The following ZNF804B variants were observed in gnomAD, a reference collection of about 807,000 sequenced individuals.
The protein encoded by ZNF804B is zinc finger protein 804B.
A neutral mutation model predicts 101.4 loss-of-function variants in ZNF804B; 80 were observed. The observed-to-expected ratio is 0.79, with a 90% CI of 0.66 to 0.95. ZNF804B has a LOEUF of 0.95. Among genes scored for constraint, ZNF804B ranks in the 40% least tolerant of loss-of-function variants. The probability of loss-of-function intolerance (pLI) is 0.00; values close to 1 mark genes in which losing one functional copy is unlikely to be tolerated. For synonymous variants in ZNF804B, 622 were observed against 558.8 expected (o/e 1.11, Z -1.59); for missense variants, 1,673 against 1,561.9 (o/e 1.07, Z -1.20).
At chr7:88,854,426 T>TCTTCCTTTCTTC (rs1491177302) in intron 1 of ZNF804B, among the ~76,000 whole-genome samples, 1 of 88,008 alleles carries the variant, frequency 1.1e-5, no homozygotes, top group East Asian at 2.9e-4. Flanking sequence ...TTTCTTTCTT[T>TCTTCCTTTCTTC]CTTTCTTTCT....
intron 1 of ZNF804B, among the ~76,000 whole-genome samples, chr7:88,944,550 G>A (rs574793295): frequency 5.3e-5 from 8 of 151,358 alleles, no homozygotes; most frequent in Non-Finnish European, 1.2e-4. Flanking sequence ...TTAACCAACT[G>A]CAGATGGAAA....
intron 2 of ZNF804B, among the ~76,000 whole-genome samples, chr7:89,251,721 A>G (rs932806328): frequency 3.9e-5 from 6 of 152,184 alleles, no homozygotes; most frequent in Admixed American, 6.5e-5. Flanking sequence ...AGAAAGACCA[A>G]TGGAACACAA....
intron 1 of ZNF804B, among the ~76,000 whole-genome samples, chr7:88,929,941 CA>C (rs933158397): frequency 6.6e-6 from 1 of 150,986 alleles, no homozygotes; most frequent in African/African-American, 2.4e-5. Context: ...CTCGAACTTT[CA>C]AAAAAAATGT....
intron 1 of ZNF804B, among the ~76,000 whole-genome samples, chr7:89,024,985 C>A (rs973805757): frequency 6.6e-6 from 1 of 151,992 alleles, no homozygotes; most frequent in Non-Finnish European, 1.5e-5. Context: ...ACACCCATAC[C>A]TATAGATGCA....
At chr7:89,159,116 C>G (rs1562900770) in intron 1 of ZNF804B, among the ~76,000 whole-genome samples, 1 of 152,108 alleles carries the variant, frequency 6.6e-6, no homozygotes, top group Non-Finnish European at 1.5e-5. Flanking sequence ...TAAGTCATCT[C>G]TCTATTCTCA....
chr7:88,949,320 A>G (rs1460340569), intron 1 of ZNF804B, among the ~76,000 whole-genome samples: 4 of 135,350 alleles, frequency 3.0e-5, no homozygotes, highest in Non-Finnish European at 6.1e-5. Context: ...CCTGGCCTCT[A>G]CTCACTGGAT....
At chr7:89,260,698 A>G (rs187216696) in intron 2 of ZNF804B, among the ~76,000 whole-genome samples, 1 of 152,286 alleles carries the variant, frequency 6.6e-6, no homozygotes, top group Admixed American at 6.5e-5. Flanking sequence ...TTTCACAAAA[A>G]CAGTAAGATT....
At chr7:89,263,130 C>T (rs1266661318) in intron 2 of ZNF804B, among the ~76,000 whole-genome samples, 1 of 152,152 alleles carries the variant, frequency 6.6e-6, no homozygotes, top group Non-Finnish European at 1.5e-5. Flanking sequence ...TGTTGTGAGC[C>T]ATTCGGGACA....
At chr7:88,913,676 A>G (rs941949385) in intron 1 of ZNF804B, among the ~76,000 whole-genome samples, 9 of 152,148 alleles carry the variant, frequency 5.9e-5, no homozygotes, top group Non-Finnish European at 1.3e-4. Context: ...GATTACAGGC[A>G]TGAGCCACCA....
At chr7:89,201,772 C>T (rs1439491327) in intron 1 of ZNF804B, among the ~76,000 whole-genome samples, 3 of 151,984 alleles carry the variant, frequency 2.0e-5, no homozygotes, top group Non-Finnish European at 4.4e-5. Context: ...CTCAGGAATA[C>T]TTTGGTCACC....
chr7:89,257,201 G>A (rs1218111909), intron 2 of ZNF804B, among the ~76,000 whole-genome samples: 1 of 152,096 alleles, frequency 6.6e-6, no homozygotes, highest in Non-Finnish European at 1.5e-5. Context: ...AGCTGGAGAA[G>A]TGTCCCTCAG....
At chr7:89,014,317 T>G (rs2373831) in intron 1 of ZNF804B, among the ~76,000 whole-genome samples, 129,309 of 152,084 alleles carry the variant, frequency 0.85, 55,446 homozygotes, top group African/African-American at 0.96. Flanking sequence ...GAACTTTGTT[T>G]TTGTTGTTTT....
intron 1 of ZNF804B, among the ~76,000 whole-genome samples, chr7:89,165,068 G>A (rs567433142): frequency 3.3e-5 from 5 of 152,080 alleles, no homozygotes; most frequent in African/African-American, 7.2e-5. Context: ...AGGCTGTTGC[G>A]TAGAACTTTC....
At chr7:88,825,847 A>T (rs1244927195) in intron 1 of ZNF804B, among the ~76,000 whole-genome samples, 3 of 152,064 alleles carry the variant, frequency 2.0e-5, no homozygotes, top group African/African-American at 7.2e-5. Context: ...GTGCCGTGTG[A>T]CTCAGTTTCC....
chr7:88,891,689 T>G (rs1584000696), intron 1 of ZNF804B, among the ~76,000 whole-genome samples: 1 of 152,106 alleles, frequency 6.6e-6, no homozygotes, highest in East Asian at 1.9e-4. Flanking sequence ...TTTATTTTAT[T>G]TCTTTCTCTC....
chr7:89,284,792 A>G (rs181528901), intron 2 of ZNF804B, among the ~76,000 whole-genome samples: 1 of 152,182 alleles, frequency 6.6e-6, no homozygotes, highest in Non-Finnish European at 1.5e-5. Flanking sequence ...ATGCTAACAA[A>G]GGATGGTGTG....
intron 1 of ZNF804B, among the ~76,000 whole-genome samples, chr7:89,141,538 G>A (rs930322361): frequency 2.0e-5 from 3 of 152,000 alleles, no homozygotes; most frequent in African/African-American, 7.2e-5. Context: ...TCAAGCATCT[G>A]TTCAAGTCCT....
At position 89,331,624 on chromosome 7, in the gene ZNF804B, C is replaced by T. The variant is rs1183832545; in HGVS notation, c.381-1739C>T. 2.0e-5 allele frequency among the ~76,000 whole-genome samples: 3 copies of T among 151,494 alleles called. No individual in the cohort carries two copies. In the East Asian group the frequency reaches 5.8e-4, roughly 29 times the overall value. On this transcript the variant is annotated intron_variant, in intron 3 of 3. Transcript: ENST00000333190. ...TCATGAAGAGGAGACGTTCTAAAATCATTAAAAGCTAAATGGTGGCTAAAA... is the reference window on the plus strand; with the variant it reads ...TCATGAAGAGGAGACGTTCTAAAATTATTAAAAGCTAAATGGTGGCTAAAA...
chr7:89,003,828 C>T (rs1364166198), intron 1 of ZNF804B, among the ~76,000 whole-genome samples: 2 of 151,784 alleles, frequency 1.3e-5, no homozygotes, highest in Non-Finnish European at 2.9e-5. Flanking sequence ...ATGAATCATA[C>T]AGGTGAAAAC....
Sources: gnomAD v4.1 joint callset for allele counts (sites outside exome capture counted in the v4.1 genomes callset) on GRCh38, gnomAD v4.1.1 for gene constraint, MANE v1.5 for transcripts, NCBI Gene and HGNC (gene_info 2026-07-23, HGNC 2026-07-21) for gene names.